Variants in CREB5 observed in about 807,000 individuals in gnomAD.
The protein encoded by CREB5 is cyclic AMP-responsive element-binding protein 5.
A neutral mutation model predicts 57.1 loss-of-function variants in CREB5; 19 were observed. The ratio of observed to expected loss-of-function variants is 0.33; its 90% CI spans 0.23 to 0.49. The LOEUF is 0.49. Among genes scored for constraint, CREB5 ranks in the 20% least tolerant of loss-of-function variants. The pLI is 0.99. For synonymous variants in CREB5, 238 were observed against 238.3 expected (o/e 1.00, Z 0.01); for missense variants, 579 against 671.6 (o/e 0.86, Z 1.52).
At chr7:28,384,639 T>C (rs1313331207) in intron 1 of CREB5, among the ~76,000 whole-genome samples, 5 of 152,086 alleles carry the variant, frequency 3.3e-5, no homozygotes, top group Non-Finnish European at 7.4e-5. Flanking sequence ...TGGGGACTTA[T>C]TAATTAATAT....
chr7:28,649,206 C>A (rs571193439), intron 5 of CREB5, among the ~76,000 whole-genome samples: 2 of 152,238 alleles, frequency 1.3e-5, no homozygotes, highest in African/African-American at 4.8e-5. Flanking sequence ...GCCACCAAAA[C>A]GCCTTCAACC....
At chr7:28,805,241 C>G (rs1397032490) in intron 8 of CREB5, among the ~76,000 whole-genome samples, 1 of 152,110 alleles carries the variant, frequency 6.6e-6, no homozygotes, top group Non-Finnish European at 1.5e-5. Context: ...AGCATTTAGA[C>G]AAAACTGAAA....
intron 5 of CREB5, among the ~76,000 whole-genome samples, chr7:28,716,164 A>G (rs11771481): frequency 0.29 from 43,848 of 151,856 alleles, 6,520 homozygotes; most frequent in Middle Eastern, 0.35. Context: ...ATTTTTTAGT[A>G]GGCAATCTCC....
intron 4 of CREB5, among the ~76,000 whole-genome samples, chr7:28,522,976 G>T (rs1434698516): frequency 6.6e-6 from 1 of 152,190 alleles, no homozygotes. Flanking sequence ...ACATCCACTC[G>T]CTGTGAGGTG....
intron 7 of CREB5, among the ~76,000 whole-genome samples, chr7:28,745,516 T>C (rs4722839): frequency 0.082 from 12,425 of 152,280 alleles, 1,382 homozygotes; most frequent in African/African-American, 0.25. Context: ...GCTGAGGTCT[T>C]TGGCACTGTG....
chr7:28,563,692 A>T (rs567585791), intron 4 of CREB5, among the ~76,000 whole-genome samples: 3 of 152,272 alleles, frequency 2.0e-5, no homozygotes, highest in Admixed American at 6.5e-5. Context: ...TGCCTAGCTA[A>T]TTTTCTTAGT....
Position 28,822,481 on chromosome 7 carries a change from A to G in CREB5, c.*3202A>G, listed in dbSNP as rs536023281. ...TACTGGGTCACCCATCCATGTGTTC[A>G]TGAATCAATCATCACGGCCTGCAGA... On this transcript the variant is annotated 3_prime_UTR_variant, in exon 11 of 11. Coordinates refer to ENST00000357727, the MANE Select transcript of CREB5 (RefSeq NM_182898.4). The G allele has an allele frequency of 6.5e-6, 1 of 152,684 alleles. No individual in the cohort carries two copies. Among genetic ancestry groups the G allele is most frequent in the African/African-American group, 2.4e-5 (1 of 41,442 alleles). 9.5% of individuals were successfully genotyped at this position (152,684 alleles called of 1,614,324 possible). A position where few individuals can be genotyped will look rare whatever the true frequency, so the allele number is the denominator to read the frequency against.
chr7:28,797,969 AAG>A (rs1491199036), intron 7 of CREB5, among the ~76,000 whole-genome samples: 1 of 151,680 alleles, frequency 6.6e-6, no homozygotes, highest in African/African-American at 2.4e-5. Context: ...TGAAAAAAAA[AAG>A]GAGAAATTAC....
chr7:28,587,313 G>A (rs4722820), intron 5 of CREB5, among the ~76,000 whole-genome samples: 15,875 of 152,178 alleles, frequency 0.1, 989 homozygotes, highest in South Asian at 0.18. Flanking sequence ...TGTAAAATCA[G>A]CATTGAAATC....
chr7:28,497,589 T>C (rs1470119914), intron 3 of CREB5, among the ~76,000 whole-genome samples: 1 of 152,226 alleles, frequency 6.6e-6, no homozygotes, highest in East Asian at 1.9e-4. Context: ...TGCTAAATTT[T>C]AAAACTTGCT....
intron 1 of CREB5, among the ~76,000 whole-genome samples, chr7:28,472,768 T>G (rs1317840514): frequency 6.6e-6 from 1 of 152,032 alleles, no homozygotes; most frequent in African/African-American, 2.4e-5. Context: ...CGATCCAAGG[T>G]CTCTCTCTGC....
intron 5 of CREB5, among the ~76,000 whole-genome samples, chr7:28,669,307 C>T (rs1583511967): frequency 2.0e-5 from 3 of 152,126 alleles, no homozygotes; most frequent in Non-Finnish European, 2.9e-5. Context: ...AACTAGGCAA[C>T]GTTTACTTTG....
intron 7 of CREB5, among the ~76,000 whole-genome samples, chr7:28,739,295 G>T (rs867915162): frequency 6.6e-6 from 1 of 152,102 alleles, no homozygotes. Flanking sequence ...ACTACATGAG[G>T]TCAGAGGCTA....
intron 1 of CREB5, among the ~76,000 whole-genome samples, chr7:28,457,415 C>A (rs964253303): frequency 6.6e-6 from 1 of 152,158 alleles, no homozygotes; most frequent in African/African-American, 2.4e-5. Flanking sequence ...CCCCCATGTT[C>A]TGCATAGGGC....
intron 1 of CREB5, among the ~76,000 whole-genome samples, chr7:28,334,322 A>T (rs1376490315): frequency 2.0e-5 from 3 of 151,688 alleles, no homozygotes; most frequent in Non-Finnish European, 4.4e-5. Context: ...TGCCTGGCTA[A>T]TTTTTTGTAT....
At chr7:28,497,566 T>C (rs1388468984) in intron 3 of CREB5, among the ~76,000 whole-genome samples, 2 of 152,186 alleles carry the variant, frequency 1.3e-5, no homozygotes, top group Admixed American at 6.5e-5. Context: ...TTAATACTCC[T>C]AATGAAATGA....
chr7:28,500,830 G>A (rs770405707), intron 3 of CREB5, among the ~76,000 whole-genome samples: 1 of 151,760 alleles, frequency 6.6e-6, no homozygotes, highest in Admixed American at 6.6e-5. Context: ...TAAATCACAC[G>A]CACACACACA....
At chr7:28,400,147 G>A (rs1787427358) in intron 1 of CREB5, among the ~76,000 whole-genome samples, 2 of 152,182 alleles carry the variant, frequency 1.3e-5, no homozygotes, top group Non-Finnish European at 2.9e-5. Context: ...TGAAAGGAGA[G>A]ACAAAGTGTC....
chr7:28,390,245 ATAAGT>A (rs976898439), intron 1 of CREB5, among the ~76,000 whole-genome samples: 5 of 152,280 alleles, frequency 3.3e-5, no homozygotes, highest in Admixed American at 3.3e-4. Flanking sequence ...GTTCACGGAG[ATAAGT>A]TAATTAATTG....
Sources: gnomAD v4.1 joint callset for allele counts (sites outside exome capture counted in the v4.1 genomes callset) on GRCh38, gnomAD v4.1.1 for gene constraint, MANE v1.5 for transcripts, NCBI Gene and HGNC (gene_info 2026-07-23, HGNC 2026-07-21) for gene names.